The following PCDH15 variants were observed in gnomAD, a reference collection of about 807,000 sequenced individuals.
The protein encoded by PCDH15 is protocadherin related 15.
Under a neutral mutation model 178.5 loss-of-function variants are expected in PCDH15, and 129 were observed. The ratio of observed to expected loss-of-function variants is 0.72; its 90% CI spans 0.63 to 0.84. The LOEUF (loss-of-function observed/expected upper bound fraction) is 0.84, where lower values mean the gene tolerates loss of function less well. PCDH15 is among the 40% of genes least tolerant of loss of function. PCDH15 has a pLI of 0.00. For missense variants in PCDH15, 2,230 were observed against 2,099.9 expected (o/e 1.06, Z -1.21); for synonymous variants, 800 against 732.0 (o/e 1.09, Z -1.50).
At chr10:54,596,307 T>C (rs547779034) in intron 2 of PCDH15, among the ~76,000 whole-genome samples, 1 of 152,270 alleles carries the variant, frequency 6.6e-6, no homozygotes, top group East Asian at 1.9e-4. Flanking sequence ...GGGACCTATA[T>C]TCAATAACCT....
At chr10:54,020,558 A>G in intron 19 of PCDH15, 142 bp from the exon 20 acceptor site, 2 of 813,584 alleles carry the variant, frequency 2.5e-6, no homozygotes, top group East Asian at 2.5e-5. Context: ...TTGTTTTTTA[A>G]AAAAGCACAT....
intron 13 of PCDH15, among the ~76,000 whole-genome samples, chr10:54,161,925 TG>T (rs2045753955): frequency 6.6e-6 from 1 of 152,136 alleles, no homozygotes; most frequent in Non-Finnish European, 1.5e-5. Context: ...TTTTCTTCTC[TG>T]GCAATATTTG....
intron 3 of PCDH15, among the ~76,000 whole-genome samples, chr10:54,825,220 T>G (rs1259314093): frequency 4.1e-4 from 63 of 152,058 alleles, no homozygotes; most frequent in South Asian, 1.5e-3. Flanking sequence ...TTTTTATGGC[T>G]GCATAGTATT....
Position 55,223,887 on chromosome 10 carries a change from C to T in PCDH15, c.-155-57236G>A, listed in dbSNP as rs568076460. ...CCCTATAATTGAAAATTTTACCTTT[C>T]AGTTTACCGCACATAGTACTGAAGC... On this transcript the variant is annotated intron_variant, in intron 1 of 5. Transcript: ENST00000458638. Among the ~76,000 whole-genome samples the T allele has an allele frequency of 3.4e-4, 52 of 152,106 alleles. 1 individual carries two copies. The highest frequency in any genetic ancestry group is 6.3e-4 in the Non-Finnish European group (43 of 68,036).
At position 54,463,702 on chromosome 10, in the gene PCDH15, A is replaced by T. The variant is rs78194869; in HGVS notation, c.157+64110T>A. Among the ~76,000 whole-genome samples the T allele has an allele frequency of 9.3e-3, 1,411 of 152,190 alleles. 16 individuals carry two copies. The highest frequency in any genetic ancestry group is 0.032 in the African/African-American group (1,327 of 41,532). On this transcript the variant is annotated intron_variant, in intron 3 of 37. Transcript: ENST00000644397. The stretch of plus-strand genomic sequence containing the variant: ...AAGGTCAGGGATTATATTTTATTTG[A>T]CTTTGTATTCCCAGAGCCTCCCATG...
At chr10:54,380,733 T>TATATATAC (rs1949132981) in intron 3 of PCDH15, among the ~76,000 whole-genome samples, 1 of 120,598 alleles carries the variant, frequency 8.3e-6, no homozygotes, top group African/African-American at 3.3e-5. Context: ...TATATATATA[T>TATATATAC]ATATATATAT....
At chr10:54,557,265 G>A (rs1336457627) in intron 2 of PCDH15, among the ~76,000 whole-genome samples, 1 of 152,120 alleles carries the variant, frequency 6.6e-6, no homozygotes, top group Non-Finnish European at 1.5e-5. Context: ...AAGTCTTTGG[G>A]TAGATTCTAA....
At chr10:54,005,854 C>T (rs1379625825) in intron 20 of PCDH15, among the ~76,000 whole-genome samples, 3 of 151,974 alleles carry the variant, frequency 2.0e-5, no homozygotes, top group Admixed American at 1.3e-4. Context: ...AATATCTGCA[C>T]TCCCATGTTT....
chr10:55,275,825 C>T (rs1210770755), intron 1 of PCDH15, among the ~76,000 whole-genome samples: 1 of 151,030 alleles, frequency 6.6e-6, no homozygotes, highest in Non-Finnish European at 1.5e-5. Flanking sequence ...GACTAGAATT[C>T]CATTGACTCT....
chr10:54,882,459 G>A (rs965546126), intron 3 of PCDH15, among the ~76,000 whole-genome samples: 7 of 152,086 alleles, frequency 4.6e-5, no homozygotes, highest in Non-Finnish European at 8.8e-5. Context: ...TTTAAAAACA[G>A]ATGCAAAACC....
chr10:55,570,228 G>A (rs564753895), intron 2 of PCDH15, among the ~76,000 whole-genome samples: 1 of 151,774 alleles, frequency 6.6e-6, no homozygotes, highest in Non-Finnish European at 1.5e-5. Context: ...GAAAAGACCT[G>A]GCAGGTGAAC....
chr10:54,030,748 A>C (rs2093268957), intron 18 of PCDH15, among the ~76,000 whole-genome samples: 1 of 151,994 alleles, frequency 6.6e-6, no homozygotes, highest in Non-Finnish European at 1.5e-5. Context: ...ACCTATCTTT[A>C]TGCATTTATA....
chr10:54,300,062 G>A lies in PCDH15; in HGVS notation c.876+17209C>T, dbSNP rs186423541. 2.6e-3 allele frequency among the ~76,000 whole-genome samples: 393 copies of A among 152,296 alleles called. 1 individual carries two copies. The highest frequency in any genetic ancestry group is 7.1e-3 in the African/African-American group (295 of 41,572). On this transcript the variant is annotated intron_variant, in intron 8 of 37. Transcript: ENST00000644397. ...ATCTATCCTTACTCTACAATCCGAA[G>A]TAGACTCTTTGGCAGCAGAGACTCT... is the stretch of plus-strand genomic sequence containing the variant.
chr10:55,280,057 G>C (rs1842687993), intron 1 of PCDH15, among the ~76,000 whole-genome samples: 1 of 151,946 alleles, frequency 6.6e-6, no homozygotes, highest in African/African-American at 2.4e-5. Flanking sequence ...CCAAAAGTAA[G>C]AATTCAAATA....
chr10:55,543,396 T>C (rs988281489), intron 2 of PCDH15, among the ~76,000 whole-genome samples: 31 of 150,018 alleles, frequency 2.1e-4, no homozygotes, highest in African/African-American at 7.5e-4. Context: ...TATATATGTA[T>C]ATATAAAAAT....
intron 22 of PCDH15, among the ~76,000 whole-genome samples, chr10:53,961,396 T>G (rs1172156603): frequency 6.6e-6 from 1 of 152,000 alleles, no homozygotes; most frequent in Non-Finnish European, 1.5e-5. Flanking sequence ...ATGAAACCAC[T>G]AAAATAATAG....
At chr10:54,519,239 G>A (rs1275536984) in intron 3 of PCDH15, among the ~76,000 whole-genome samples, 6 of 152,130 alleles carry the variant, frequency 3.9e-5, no homozygotes, top group Non-Finnish European at 8.8e-5. Context: ...AGAAAACAAA[G>A]GGTATTCAAT....
chr10:54,070,906 T>C (rs961955030), intron 17 of PCDH15, among the ~76,000 whole-genome samples: 1 of 152,068 alleles, frequency 6.6e-6, no homozygotes, highest in Non-Finnish European at 1.5e-5. Context: ...TTTTGTTTTT[T>C]GTTGTTGTTG....
chr10:54,740,123 T>C (rs534098085), intron 1 of PCDH15, among the ~76,000 whole-genome samples: 41 of 151,984 alleles, frequency 2.7e-4, no homozygotes, highest in Admixed American at 1.1e-3. Context: ...AAAATATTTG[T>C]AAACTATCCA....
Sources: gnomAD v4.1 joint callset for allele counts (sites outside exome capture counted in the v4.1 genomes callset) on GRCh38, gnomAD v4.1.1 for gene constraint, MANE v1.5 for transcripts, NCBI Gene and HGNC (gene_info 2026-07-23, HGNC 2026-07-21) for gene names.